Variants in PUDP observed in about 807,000 individuals in gnomAD.
PUDP encodes pseudouridine 5'-phosphatase.
PUDP carries 8 observed loss-of-function variants against 9.4 expected under a neutral mutation model. The ratio of observed to expected loss-of-function variants is 0.85; its 90% confidence interval spans 0.50 to 1.53. The LOEUF is 1.53. Among genes scored for constraint, PUDP ranks in the 40% most tolerant of loss-of-function variants. The pLI is 0.00. For synonymous variants in PUDP, 99 were observed against 80.7 expected (o/e 1.23, Z -1.22); for missense variants, 188 against 189.7 (o/e 0.99, Z 0.05).
intron 3 of PUDP, among the ~76,000 whole-genome samples, chrX:6,876,880 TAG>T (rs1382772512): frequency 9.1e-6 from 1 of 109,849 alleles, no homozygotes; most frequent in African/African-American, 3.3e-5. Flanking sequence ...CATATAAATA[TAG>T]ACACATATAC....
intron 3 of PUDP, among the ~76,000 whole-genome samples, chrX:6,846,327 G>A (rs1926747047): frequency 1.9e-5 from 2 of 107,760 alleles, no homozygotes; most frequent in African/African-American, 6.8e-5. Context: ...ATGGCGCGGC[G>A]TGAACCCGAG....
chrX:7,094,612 G>A (rs747687615), intron 2 of PUDP, among the ~76,000 whole-genome samples: 13 of 110,623 alleles, frequency 1.2e-4, no homozygotes, highest in African/African-American at 3.6e-4. Flanking sequence ...CGCCCGTCTC[G>A]ACCTCCCAAA....
chrX:6,814,662 C>T (rs983752752), intron 3 of PUDP, among the ~76,000 whole-genome samples: 1 of 111,265 alleles, frequency 9.0e-6, no homozygotes, highest in Non-Finnish European at 1.9e-5. Context: ...TGCTATAAGC[C>T]TTTTTAAAAT....
At chrX:6,888,219 G>A (rs1194233785) in intron 3 of PUDP, among the ~76,000 whole-genome samples, 5 of 111,400 alleles carry the variant, frequency 4.5e-5, no homozygotes, top group Non-Finnish European at 7.5e-5. Flanking sequence ...GATTAGCAGC[G>A]TGGAATGCTG....
intron 1 of PUDP, among the ~76,000 whole-genome samples, chrX:7,120,376 T>C (rs1932308687): frequency 9.0e-6 from 1 of 110,665 alleles, no homozygotes; most frequent in African/African-American, 3.3e-5. Context: ...AGCCCAGGAA[T>C]GGCGGCCACT....
intron 3 of PUDP, among the ~76,000 whole-genome samples, chrX:6,947,806 AT>A (rs1928491957): frequency 9.3e-6 from 1 of 107,299 alleles, no homozygotes; most frequent in African/African-American, 3.4e-5. Flanking sequence ...AAATAAATAA[AT>A]AAATAAATAA....
intron 3 of PUDP, among the ~76,000 whole-genome samples, chrX:6,924,365 A>G (rs1928069966): frequency 8.9e-6 from 1 of 111,992 alleles, no homozygotes; most frequent in African/African-American, 3.2e-5. Flanking sequence ...GTTGCTAATG[A>G]GAAATAGAAC....
intron 1 of PUDP, among the ~76,000 whole-genome samples, chrX:7,004,165 T>C (rs1929369328): frequency 8.9e-6 from 1 of 112,024 alleles, no homozygotes; most frequent in African/African-American, 3.3e-5. Context: ...TGTGAGCCAC[T>C]GCTCCTGCCG....
intron 1 of PUDP, among the ~76,000 whole-genome samples, chrX:6,720,216 A>G (rs1460953444): frequency 1.1e-5 from 1 of 91,311 alleles, no homozygotes; most frequent in Admixed American, 1.3e-4. Flanking sequence ...GTGTATATAT[A>G]TATGTGTATA....
intron 1 of PUDP, among the ~76,000 whole-genome samples, chrX:7,033,606 A>AGTG (rs1309104127): frequency 9.0e-6 from 1 of 111,002 alleles, no homozygotes; most frequent in Admixed American, 9.6e-5. Flanking sequence ...TAGGGTGTGG[A>AGTG]GTGGGTGAAT....
At chrX:6,981,403 C>T (rs1929030937) in intron 1 of PUDP, among the ~76,000 whole-genome samples, 1 of 111,693 alleles carries the variant, frequency 9.0e-6, no homozygotes. Flanking sequence ...ATACTTATTG[C>T]TATGGCTTAT....
chrX:6,965,843 A>G (rs1009641641), intron 3 of PUDP, among the ~76,000 whole-genome samples: 1 of 112,077 alleles, frequency 8.9e-6, no homozygotes, highest in Non-Finnish European at 1.9e-5. Context: ...TAAAGACTTT[A>G]TTTAACTCTT....
chrX:7,032,798 T>C (rs1206115355), intron 1 of PUDP, among the ~76,000 whole-genome samples: 1 of 111,585 alleles, frequency 9.0e-6, no homozygotes, highest in Non-Finnish European at 1.9e-5. Flanking sequence ...GTGAATATAT[T>C]TGTGTAAACT....
intron 3 of PUDP, among the ~76,000 whole-genome samples, chrX:6,973,761 G>A (rs1049136883): frequency 1.8e-5 from 2 of 111,342 alleles, no homozygotes; most frequent in Admixed American, 1.9e-4. Flanking sequence ...GAATATCCTT[G>A]TTTATATTCT....
chrX:7,072,360 C>G (rs1930760688), intron 3 of PUDP, among the ~76,000 whole-genome samples: 1 of 112,189 alleles, frequency 8.9e-6, no homozygotes, highest in Non-Finnish European at 1.9e-5. Flanking sequence ...TGAGTCTACT[C>G]TATCTGTTTA....
rs73190792 is a variant in PUDP, at chrX:6,983,119, G to A, written c.205-4776C>T. Among the ~76,000 whole-genome samples the A allele has an allele frequency of 2.9e-3, 328 of 112,119 alleles. 2 individuals carry two copies. Among genetic ancestry groups the A allele is most frequent in the Non-Finnish European group, 4.7e-3 (251 of 53,255 alleles). On this transcript the variant is annotated intron_variant and NMD_transcript_variant, in intron 1 of 3. Transcript: ENST00000655425. ...ACTGCCCAAGGGGTTCGCCTTGCCC[G>A]CTGCCTAGACATAGGCGATTTATCA...
chrX:6,894,304 C>T (rs1283707165), intron 3 of PUDP, among the ~76,000 whole-genome samples: 1 of 111,694 alleles, frequency 9.0e-6, no homozygotes, highest in Non-Finnish European at 1.9e-5. Flanking sequence ...CCAATTAACT[C>T]TCAAAATCCC....
intron 3 of PUDP, among the ~76,000 whole-genome samples, chrX:6,736,891 C>A (rs1235835169): frequency 8.9e-6 from 1 of 111,809 alleles, no homozygotes; most frequent in East Asian, 2.8e-4. Flanking sequence ...TCAAAAACCA[C>A]TTATCAGGTA....
chrX:6,952,707 G>T (rs1298762336), intron 3 of PUDP, among the ~76,000 whole-genome samples: 1 of 111,070 alleles, frequency 9.0e-6, no homozygotes, highest in Non-Finnish European at 1.9e-5. Context: ...TGGGATTAAT[G>T]ATCTTATAAA....
Sources: gnomAD v4.1 joint callset for allele counts (sites outside exome capture counted in the v4.1 genomes callset) on GRCh38, gnomAD v4.1.1 for gene constraint, MANE v1.5 for transcripts, NCBI Gene and HGNC (gene_info 2026-07-23, HGNC 2026-07-21) for gene names.